Variants in HMCN1 observed in about 807,000 individuals in gnomAD.
HMCN1 encodes the protein hemicentin 1, also known as hemicentin-1.
Under a neutral mutation model 625.9 loss-of-function variants are expected in HMCN1, and 321 were observed. The observed-to-expected ratio is 0.51, with a 90% CI of 0.47 to 0.56. The LOEUF (loss-of-function observed/expected upper bound fraction) is 0.56, where lower values mean the gene tolerates loss of function less well. HMCN1 is among the 20% of genes least tolerant of loss of function. HMCN1 has a pLI of 0.00. For synonymous variants in HMCN1, 2,425 were observed against 2,417.6 expected, an observed-to-expected ratio of 1.00 and a Z score of -0.09; for missense variants, 6,588 against 6,887.3, an observed-to-expected ratio of 0.96 and a Z score of 1.54.
At chr1:185,911,297 T>C (rs1465060853) in intron 5 of HMCN1, among the ~76,000 whole-genome samples, 1 of 152,214 alleles carries the variant, frequency 6.6e-6, no homozygotes, top group Non-Finnish European at 1.5e-5. Context: ...TTCGGAAATA[T>C]GATTACAGTC....
intron 36 of HMCN1, among the ~76,000 whole-genome samples, chr1:186,034,587 G>A (rs768825942): frequency 3.3e-5 from 5 of 152,172 alleles, no homozygotes; most frequent in South Asian, 2.1e-4. Context: ...CTTTCAGGTC[G>A]CTCGAAACCT....
chr1:185,816,780 C>T (rs889536079), intron 1 of HMCN1, among the ~76,000 whole-genome samples: 3 of 152,132 alleles, frequency 2.0e-5, no homozygotes, highest in Non-Finnish European at 4.4e-5. Context: ...TCCTTGGGTC[C>T]ATCTGAGGGG....
chr1:186,033,417 C>T (rs543775206), intron 36 of HMCN1, among the ~76,000 whole-genome samples: 31 of 152,240 alleles, frequency 2.0e-4, no homozygotes, highest in Admixed American at 1.0e-3. Context: ...ACCAAAACCA[C>T]CTGTATCCCA....
Position 186,090,860 on chromosome 1 carries a change from T to A in HMCN1, c.9830T>A (p.Leu3277His). The part of the protein sequence containing the change: ...VCNANGIPTP[L>H]IQWLKDGKPI... ...AATGCAAATGGCATTCCTACTCCAC[T>A]TATTCAATGGCTTAAAGATGGAAAG... The change falls in exon 64 of 107, where the codon CTT becomes CAT. Residue 3277 changes from leucine to histidine, a missense_variant. By Grantham distance (99) the Leu-to-His change is moderately conservative. This residue lies in a region of HMCN1 where 4,628 missense variants were observed against 4,853.1 expected (regional missense o/e 0.95). Transcript: ENST00000271588. 6.2e-7 allele frequency: 1 copy of A among 1,612,544 alleles called. No homozygotes were observed. The highest frequency in any genetic ancestry group is 1.1e-5 in the South Asian group (1 of 91,064).
chr1:186,145,951 CA>C (rs1209517386), intron 93 of HMCN1, 28 bp downstream of exon 93: 1 of 1,609,342 alleles, frequency 6.2e-7, no homozygotes, highest in Non-Finnish European at 8.5e-7. Context: ...ACTTTGGTAG[CA>C]CATTTAGAGC....
chr1:186,055,776 A>T, intron 45 of HMCN1, 102 bp downstream of exon 45: 1 of 1,169,844 alleles, frequency 8.5e-7, no homozygotes, highest in Non-Finnish European at 1.3e-6. Flanking sequence ...TTTATTTATA[A>T]CCCATCATTT....
rs149002716 is a variant in HMCN1, at chr1:186,094,339, G to A, written c.10260G>A (p.Gly3420=). 11 of 1,612,980 alleles carry A rather than the reference G, an allele frequency of 6.8e-6. No individual in the cohort carries two copies. The African/African-American group carries it at 1.3e-4, about 20-fold the overall frequency. The change falls in exon 67 of 107, where the codon GGG becomes GGA. Residue 3420 remains glycine, a synonymous_variant. Transcript: ENST00000271588. ...VYTCVASNRA[G]VDNKHYNLQV... is the part of the protein sequence containing the mutation. ...CTTGTGTGGCCTCCAACAGAGCTGG[G>A]GTGGATAATAAGCATTACAATCTTC... is the stretch of plus-strand genomic sequence containing the variant.
intron 1 of HMCN1, among the ~76,000 whole-genome samples, chr1:185,826,353 A>G (rs1052841552): frequency 3.3e-5 from 5 of 152,242 alleles, no homozygotes; most frequent in African/African-American, 1.2e-4. Context: ...TTAAACAACC[A>G]TATTTGGTGA....
intron 2 of HMCN1, among the ~76,000 whole-genome samples, chr1:185,856,581 G>T (rs1458105558): frequency 6.6e-6 from 1 of 151,222 alleles, no homozygotes; most frequent in Non-Finnish European, 1.5e-5. Context: ...ACACAAATAA[G>T]ACATTTCACA....
At chr1:185,931,755 T>C (rs539962035) in intron 10 of HMCN1, among the ~76,000 whole-genome samples, 3 of 152,210 alleles carry the variant, frequency 2.0e-5, no homozygotes, top group South Asian at 2.1e-4. Flanking sequence ...TAAGAAGTAA[T>C]TGGATGTGGG....
intron 4 of HMCN1, among the ~76,000 whole-genome samples, chr1:185,879,334 C>T (rs995224191): frequency 9.2e-5 from 14 of 152,140 alleles, no homozygotes; most frequent in African/African-American, 2.9e-4. Context: ...CCATGCCCAG[C>T]TAATTTTTGA....
chr1:185,928,144 A>T (rs1667368610), intron 9 of HMCN1, among the ~76,000 whole-genome samples: 1 of 152,282 alleles, frequency 6.6e-6, no homozygotes, highest in Middle Eastern at 3.4e-3. Context: ...TAGATTTCCT[A>T]CCTTCAAATT....
Position 186,115,210 on chromosome 1 carries a change from C to T in HMCN1, c.11405-48C>T, listed in dbSNP as rs150523174. The T allele has an allele frequency of 8.3e-4, 1,336 of 1,600,670 alleles. 11 individuals are homozygous for T. In the South Asian group the frequency reaches 9.6e-3, roughly 12 times the overall value. On this transcript the variant is annotated intron_variant, in intron 74 of 106. Coordinates refer to ENST00000271588, the MANE Select transcript of HMCN1 (RefSeq NM_031935.3). ...TTCAGCAGAAATATTTCAAATGGCA[C>T]GCTATTTGCTGACTGTGTTTCCTTC...
chr1:185,871,539 G>T (rs906029746), intron 4 of HMCN1, among the ~76,000 whole-genome samples: 3 of 152,124 alleles, frequency 2.0e-5, no homozygotes, highest in Non-Finnish European at 4.4e-5. Context: ...TAGTCAAAAT[G>T]TTCTAGTGAC....
At chr1:186,037,092 T>C (rs931590056) in intron 36 of HMCN1, among the ~76,000 whole-genome samples, 1 of 152,126 alleles carries the variant, frequency 6.6e-6, no homozygotes. Context: ...GATTTATTGA[T>C]TGTATGTGGG....
At chr1:186,171,807 T>A (rs2102636685) in intron 101 of HMCN1, among the ~76,000 whole-genome samples, 199 bp from the exon 102 acceptor site, 1 of 152,254 alleles carries the variant, frequency 6.6e-6, no homozygotes, top group South Asian at 2.1e-4. Flanking sequence ...TAAAACAATA[T>A]TTTGTGTTTG....
In HMCN1 at chr1:186,053,884, T is replaced by C. The variant is rs2102281636; in HGVS notation, c.6760T>C (p.Leu2254=). 6.2e-7 allele frequency: 1 copy of C among 1,612,726 alleles called. No individual in the cohort carries two copies. The highest frequency in any genetic ancestry group is 1.7e-5 in the Admixed American group (1 of 59,822). ...RVRILSGGRQ[L]QISIAEKSDA... The stretch of plus-strand genomic sequence containing the variant: ...TAGAATTTTATCTGGGGGCAGGCAA[T>C]TACAAATTTCAATTGCTGAAAAGTC... Residue 2254 remains leucine (L), a synonymous_variant, in exon 44 of 107, where the codon TTA becomes CTA. Coordinates refer to ENST00000271588, the MANE Select transcript of HMCN1 (RefSeq NM_031935.3).
At chr1:185,851,037 A>T (rs1662130732) in intron 2 of HMCN1, among the ~76,000 whole-genome samples, 1 of 152,150 alleles carries the variant, frequency 6.6e-6, no homozygotes, top group African/African-American at 2.4e-5. Flanking sequence ...AAACTAAAGG[A>T]TATATTTTGT....
intron 93 of HMCN1, among the ~76,000 whole-genome samples, chr1:186,149,315 T>G (rs1337478309): frequency 6.6e-6 from 1 of 152,248 alleles, no homozygotes; most frequent in Non-Finnish European, 1.5e-5. Context: ...CTTAGCTACC[T>G]CTGGATAATT....
Sources: gnomAD v4.1 joint callset for allele counts (sites outside exome capture counted in the v4.1 genomes callset) on GRCh38, gnomAD v4.1.1 for gene constraint, gnomAD v4.1.1 regional missense constraint, MANE v1.5 for transcripts, NCBI Gene and HGNC (gene_info 2026-07-23, HGNC 2026-07-21) for gene names.